The following EYS variants were observed in gnomAD, a reference collection of about 807,000 sequenced individuals.
EYS encodes EGF-like photoreceptor maintenance factor.
Under a neutral mutation model 282.1 loss-of-function variants are expected in EYS, and 250 were observed. The observed-to-expected ratio is 0.89, with a 90% CI of 0.80 to 0.98. The LOEUF is 0.98. Ranked by LOEUF, EYS falls within the 50% of genes least tolerant of loss-of-function variation. The pLI is 0.00. For missense variants in EYS, 4,016 were observed against 3,709.0 expected (o/e 1.08, Z -2.15); for synonymous variants, 1,355 against 1,282.9 (o/e 1.06, Z -1.20).
intron 26 of EYS, among the ~76,000 whole-genome samples, chr6:64,571,991 C>T (rs1053808444): frequency 4.6e-5 from 7 of 151,872 alleles, no homozygotes; most frequent in African/African-American, 1.7e-4. Flanking sequence ...AAAATTTCAT[C>T]AGGCCAATAT....
intron 31 of EYS, among the ~76,000 whole-genome samples, chr6:64,158,320 G>A (rs924667580): frequency 1.3e-5 from 2 of 152,036 alleles, no homozygotes; most frequent in Admixed American, 6.5e-5. Flanking sequence ...TAATGAATAC[G>A]TTGATAATGG....
intron 31 of EYS, among the ~76,000 whole-genome samples, chr6:64,142,812 A>C (rs1774380539): frequency 6.6e-6 from 1 of 152,186 alleles, no homozygotes; most frequent in African/African-American, 2.4e-5. Context: ...GAAGTGAATG[A>C]GACAAATCTC....
intron 26 of EYS, among the ~76,000 whole-genome samples, chr6:64,559,352 G>A (rs1378504286): frequency 6.6e-6 from 1 of 150,768 alleles, no homozygotes; most frequent in Admixed American, 6.6e-5. Flanking sequence ...GGAGTGCAGT[G>A]GAAGGATCAT....
chr6:64,473,910 T>C (rs1194747532), intron 26 of EYS, among the ~76,000 whole-genome samples: 1 of 152,214 alleles, frequency 6.6e-6, no homozygotes, highest in Non-Finnish European at 1.5e-5. Context: ...ATAAATAACT[T>C]CACCTTTTGT....
At chr6:64,647,380 T>G (rs1005679560) in intron 22 of EYS, among the ~76,000 whole-genome samples, 1 of 152,202 alleles carries the variant, frequency 6.6e-6, no homozygotes, top group African/African-American at 2.4e-5. Context: ...CTAGCTATAC[T>G]GAATTTCTAG....
chr6:65,361,360 TA>T (rs1764698591), intron 8 of EYS, among the ~76,000 whole-genome samples: 1 of 80,582 alleles, frequency 1.2e-5, no homozygotes, highest in Admixed American at 1.1e-4. Context: ...ACTTAAAGTA[TA>T]ATAAAAAAAA....
chr6:65,171,586 G>A (rs892917961), intron 12 of EYS, among the ~76,000 whole-genome samples: 4 of 151,362 alleles, frequency 2.6e-5, no homozygotes, highest in Non-Finnish European at 5.9e-5. Flanking sequence ...AGTTGTGCGA[G>A]GTCGTTTCTG....
chr6:65,695,708 A>C (rs921219741), intron 1 of EYS, among the ~76,000 whole-genome samples: 1 of 152,008 alleles, frequency 6.6e-6, no homozygotes, highest in Non-Finnish European at 1.5e-5. Flanking sequence ...ACATTTTATA[A>C]ATACATGCAC....
chr6:65,637,384 A>G (rs1014116793), intron 2 of EYS, among the ~76,000 whole-genome samples: 20 of 152,228 alleles, frequency 1.3e-4, no homozygotes, highest in Non-Finnish European at 2.9e-4. Context: ...AGTGACGACC[A>G]GTGTGGAGCA....
In EYS at chr6:65,219,271, G is replaced by C. The variant is rs1230151846; in HGVS notation, c.2023+76592C>G. ...ACAGGAAACATGGTTCATGCTGCCA[G>C]ATTTGACAAAGATTAAAACAATGGT... On this transcript the variant is annotated intron_variant, in intron 12 of 42. Transcript: ENST00000503581. 4.6e-5 allele frequency among the ~76,000 whole-genome samples: 7 copies of C among 152,140 alleles called. No homozygotes were observed. In the South Asian group the frequency reaches 6.2e-4, roughly 14 times the overall value.
At chr6:63,750,976 T>G (rs1032877088) in intron 41 of EYS, among the ~76,000 whole-genome samples, 1 of 152,214 alleles carries the variant, frequency 6.6e-6, no homozygotes, top group African/African-American at 2.4e-5. Context: ...TGCAATATGC[T>G]TTGTGAATTT....
intron 12 of EYS, among the ~76,000 whole-genome samples, chr6:65,066,846 C>T (rs886716041): frequency 6.6e-6 from 1 of 152,012 alleles, no homozygotes; most frequent in Non-Finnish European, 1.5e-5. Flanking sequence ...ACTGTGCATG[C>T]AATAATTGGG....
chr6:65,250,348 G>T (rs963698922), intron 12 of EYS, among the ~76,000 whole-genome samples: 1 of 151,742 alleles, frequency 6.6e-6, no homozygotes, highest in African/African-American at 2.4e-5. Context: ...ATAAGTCTAG[G>T]TTATACCTAT....
intron 37 of EYS, among the ~76,000 whole-genome samples, chr6:63,803,598 C>T (rs1467404031): frequency 2.0e-5 from 3 of 152,142 alleles, no homozygotes; most frequent in African/African-American, 7.2e-5. Context: ...GAGGACATAG[C>T]ATTTGAACTG....
intron 2 of EYS, among the ~76,000 whole-genome samples, chr6:65,497,938 A>G (rs764210860): frequency 1.1e-4 from 16 of 152,056 alleles, no homozygotes; most frequent in Non-Finnish European, 1.6e-4. Flanking sequence ...TGGTGAGTGC[A>G]ATTAAAAGAA....
At chr6:65,330,463 C>G (rs1769753710) in intron 11 of EYS, 3 of 984,192 alleles carry the variant, frequency 3.0e-6, no homozygotes, top group Non-Finnish European at 3.6e-6. Context: ...AACAATATGG[C>G]TGGTATGATT....
At chr6:64,580,560 T>C (rs1043459537) in intron 26 of EYS, among the ~76,000 whole-genome samples, 8 of 152,144 alleles carry the variant, frequency 5.3e-5, no homozygotes, top group African/African-American at 9.7e-5. Context: ...AAATGAGTGG[T>C]AGAGAATGAC....
intron 29 of EYS, among the ~76,000 whole-genome samples, chr6:64,387,568 T>C (rs1377487966): frequency 6.6e-6 from 1 of 152,136 alleles, no homozygotes; most frequent in Non-Finnish European, 1.5e-5. Context: ...AAGCTGTTCA[T>C]TGAACTCCAA....
At chr6:65,530,489 A>G (rs1582420522) in intron 2 of EYS, among the ~76,000 whole-genome samples, 1 of 152,314 alleles carries the variant, frequency 6.6e-6, no homozygotes, top group East Asian at 1.9e-4. Context: ...AGTCTAAAAT[A>G]TCTATCTAGA....
Sources: gnomAD v4.1 joint callset for allele counts (sites outside exome capture counted in the v4.1 genomes callset) on GRCh38, gnomAD v4.1.1 for gene constraint, MANE v1.5 for transcripts, NCBI Gene and HGNC (gene_info 2026-07-23, HGNC 2026-07-21) for gene names.